The following GALNT13 variants were observed in gnomAD, a reference collection of about 807,000 sequenced individuals.
GALNT13 encodes the protein UDP-GalNAc:polypeptide N-acetylgalactosaminyltransferase 13.
In GALNT13, 28 loss-of-function variants were observed where a neutral mutation model predicts 64.2. The ratio of observed to expected loss-of-function variants is 0.44; its 90% CI spans 0.32 to 0.60. The LOEUF (loss-of-function observed/expected upper bound fraction) is 0.60, where lower values mean the gene tolerates loss of function less well. Ranked by LOEUF, GALNT13 falls within the 20% of genes least tolerant of loss-of-function variation. The probability of loss-of-function intolerance (pLI) is 0.05; values close to 1 mark genes in which losing one functional copy is unlikely to be tolerated. For missense variants in GALNT13, 577 were observed against 669.8 expected, an observed-to-expected ratio of 0.86 and a Z score of 1.53; for synonymous variants, 214 against 224.6, an observed-to-expected ratio of 0.95 and a Z score of 0.42.
intron 3 of GALNT13, among the ~76,000 whole-genome samples, chr2:154,115,020 A>G (rs781014331): frequency 6.6e-6 from 1 of 152,180 alleles, no homozygotes; most frequent in Non-Finnish European, 1.5e-5. Flanking sequence ...GAGCAATTAC[A>G]GGGTTTTTTA....
chr2:153,214,349 T>C, the GALNT13 span, among the ~76,000 whole-genome samples: 3 of 152,190 alleles, frequency 2.0e-5, no homozygotes, highest in Non-Finnish European at 4.4e-5. Context: ...ATAGTCCTTC[T>C]GTATAGAAGC....
chr2:153,709,678 G>C, the GALNT13 span, among the ~76,000 whole-genome samples: 3 of 152,000 alleles, frequency 2.0e-5, no homozygotes, highest in Non-Finnish European at 2.9e-5. Context: ...ATGTCAAAGA[G>C]ATGTCTGCAC....
chr2:153,318,778 T>G, the GALNT13 span, among the ~76,000 whole-genome samples: 1 of 152,220 alleles, frequency 6.6e-6, no homozygotes, highest in Non-Finnish European at 1.5e-5. Context: ...ATTACTAAGA[T>G]GTACTCTTGT....
the GALNT13 span, among the ~76,000 whole-genome samples, chr2:153,546,607 C>T: frequency 6.6e-6 from 1 of 152,172 alleles, no homozygotes; most frequent in Non-Finnish European, 1.5e-5. Context: ...TCTACTTAGT[C>T]ACTGTCCACA....
chr2:153,725,789 T>C, the GALNT13 span, among the ~76,000 whole-genome samples: 1 of 115,722 alleles, frequency 8.6e-6, no homozygotes, highest in Non-Finnish European at 1.7e-5. Flanking sequence ...CACAGCTTAA[T>C]CATATGAAAA....
chr2:153,441,332 G>C, the GALNT13 span, among the ~76,000 whole-genome samples: 1 of 152,216 alleles, frequency 6.6e-6, no homozygotes, highest in African/African-American at 2.4e-5. Context: ...CCAGTACCAT[G>C]CTGTGTTGGT....
chr2:153,422,821 A>G, the GALNT13 span, among the ~76,000 whole-genome samples: 1 of 152,110 alleles, frequency 6.6e-6, no homozygotes, highest in Admixed American at 6.5e-5. Flanking sequence ...GTAGTCAACA[A>G]TTTAAGCATT....
At chr2:153,367,402 G>A in the GALNT13 span, among the ~76,000 whole-genome samples, 2 of 152,030 alleles carry the variant, frequency 1.3e-5, no homozygotes, top group African/African-American at 4.8e-5. Context: ...GATCCGTCAA[G>A]GTGTCCATGT....
chr2:153,988,034 A>G (rs948526628), intron 3 of GALNT13, among the ~76,000 whole-genome samples: 2 of 150,622 alleles, frequency 1.3e-5, no homozygotes, highest in African/African-American at 4.9e-5. Context: ...AAATAATTGT[A>G]TACATTTGAG....
chr2:154,319,979 C>A (rs1314694098), intron 9 of GALNT13, among the ~76,000 whole-genome samples: 1 of 151,992 alleles, frequency 6.6e-6, no homozygotes, highest in East Asian at 1.9e-4. Context: ...CATATATATA[C>A]ATATCCCTAT....
the GALNT13 span, among the ~76,000 whole-genome samples, chr2:153,359,075 A>T: frequency 1.3e-5 from 2 of 148,214 alleles, no homozygotes; most frequent in Non-Finnish European, 3.0e-5. Context: ...TAGTTCATTC[A>T]TTTTAATTTA....
the GALNT13 span, among the ~76,000 whole-genome samples, chr2:153,662,335 T>G: frequency 6.6e-6 from 1 of 152,182 alleles, no homozygotes; most frequent in Admixed American, 6.5e-5. Context: ...TTCTGCCCAC[T>G]TCCGTTTCCT....
At chr2:153,960,668 TG>T (rs1273397617) in intron 3 of GALNT13, among the ~76,000 whole-genome samples, 2 of 152,180 alleles carry the variant, frequency 1.3e-5, no homozygotes, top group Non-Finnish European at 2.9e-5. Flanking sequence ...AAATTGACAT[TG>T]GCAGTGGTGG....
chr2:153,398,355 T>C, the GALNT13 span, among the ~76,000 whole-genome samples: 6 of 152,082 alleles, frequency 3.9e-5, no homozygotes, highest in Non-Finnish European at 5.9e-5. Flanking sequence ...CAAGTCTTTG[T>C]TATGGTGAAT....
In GALNT13 at chr2:154,196,228, A is replaced by G. The variant is rs914598309; in HGVS notation, c.312-45802A>G. Among the ~76,000 whole-genome samples, 34 of 152,270 alleles carry G rather than the reference A, an allele frequency of 2.2e-4. 3 individuals are homozygous for G. The highest frequency in any genetic ancestry group is 5.9e-4 in the Admixed American group (9 of 15,282). On this transcript the variant is annotated intron_variant, in intron 4 of 12. Coordinates refer to ENST00000392825, the MANE Select transcript of GALNT13 (RefSeq NM_052917.4). ...TCTTAGAAATGATCTGATACTCAAA[A>G]AAAAAAAACAACTCTCATGAATTAC...
chr2:153,426,884 A>C, the GALNT13 span, among the ~76,000 whole-genome samples: 2 of 152,080 alleles, frequency 1.3e-5, no homozygotes, highest in Non-Finnish European at 2.9e-5. Flanking sequence ...TTATGTTTCA[A>C]GATAGCAAAC....
the GALNT13 span, among the ~76,000 whole-genome samples, chr2:153,816,136 A>G: frequency 6.6e-6 from 1 of 152,228 alleles, no homozygotes; most frequent in Non-Finnish European, 1.5e-5. Context: ...TATAAGTTCT[A>G]TAGAGGAACA....
At chr2:153,433,467 T>A in the GALNT13 span, among the ~76,000 whole-genome samples, 2 of 152,160 alleles carry the variant, frequency 1.3e-5, no homozygotes, top group Non-Finnish European at 2.9e-5. Flanking sequence ...TCTTATAGAA[T>A]ACTGTACACG....
chr2:153,286,617 T>G, the GALNT13 span, among the ~76,000 whole-genome samples: 2 of 152,048 alleles, frequency 1.3e-5, no homozygotes, highest in African/African-American at 4.8e-5. Flanking sequence ...AATGGAGAGA[T>G]AAAAAATAGA....
Sources: allele counts gnomAD v4.1 joint callset (sites outside exome capture counted in the v4.1 genomes callset), GRCh38; gene constraint gnomAD v4.1.1; transcripts MANE v1.5; gene names NCBI Gene and HGNC (gene_info 2026-07-23, HGNC 2026-07-21).